CALN1: variants seen among roughly 807,000 people sequenced by gnomAD.
CALN1 encodes calneuron 1, also known as calcium-binding protein 8.
A neutral mutation model predicts 30.6 loss-of-function variants in CALN1; 17 were observed. The ratio of observed to expected loss-of-function variants is 0.56; its 90% CI spans 0.38 to 0.83. The LOEUF (loss-of-function observed/expected upper bound fraction) is 0.83. CALN1 is among the 40% of genes least tolerant of loss of function. The pLI, the probability that CALN1 is intolerant of heterozygous loss-of-function variation, is 0.00. For synonymous variants in CALN1, 156 were observed against 131.4 expected (o/e 1.19, Z -1.28); for missense variants, 291 against 354.9 (o/e 0.82, Z 1.45).
chr7:72,388,934 G>A (rs978164209), intron 2 of CALN1, among the ~76,000 whole-genome samples: 35 of 152,170 alleles, frequency 2.3e-4, no homozygotes, highest in African/African-American at 8.4e-4. Flanking sequence ...TCTCAGCTCT[G>A]TGTGGCTGCA....
chr7:72,363,965 C>T (rs1803721666), intron 2 of CALN1, among the ~76,000 whole-genome samples: 3 of 152,012 alleles, frequency 2.0e-5, no homozygotes, highest in Non-Finnish European at 1.5e-5. Flanking sequence ...AAACCCCTGA[C>T]CTCAGGTGAT....
At chr7:72,021,790 G>C (rs1800723659) in intron 5 of CALN1, among the ~76,000 whole-genome samples, 1 of 152,126 alleles carries the variant, frequency 6.6e-6, no homozygotes, top group Non-Finnish European at 1.5e-5. Context: ...CGGTGTTCCA[G>C]CCCCAACTGA....
At chr7:72,391,134 A>G (rs1446566917) in intron 2 of CALN1, among the ~76,000 whole-genome samples, 1 of 152,076 alleles carries the variant, frequency 6.6e-6, no homozygotes, top group East Asian at 1.9e-4. Context: ...AGTAAAACAA[A>G]TTTCACCCTC....
chr7:71,995,436 T>G (rs1799205833), intron 5 of CALN1, among the ~76,000 whole-genome samples: 1 of 152,224 alleles, frequency 6.6e-6, no homozygotes, highest in Non-Finnish European at 1.5e-5. Context: ...TTGCTGAGAA[T>G]TCCTTTAGCC....
intron 3 of CALN1, among the ~76,000 whole-genome samples, chr7:72,153,436 T>C (rs902217027): frequency 5.3e-5 from 8 of 151,770 alleles, no homozygotes; most frequent in Non-Finnish European, 1.2e-4. Context: ...CCCAGCACTT[T>C]GGGAGGTCGA....
intron 3 of CALN1, among the ~76,000 whole-genome samples, chr7:72,107,872 G>T (rs1034072105): frequency 3.3e-5 from 5 of 152,164 alleles, no homozygotes; most frequent in African/African-American, 9.7e-5. Flanking sequence ...ACTCAGGATG[G>T]TAAGATGCAT....
intron 6 of CALN1, among the ~76,000 whole-genome samples, chr7:71,809,069 C>T (rs887121013): frequency 6.6e-6 from 1 of 152,122 alleles, no homozygotes. Flanking sequence ...AGGACCACAG[C>T]TGGGTTTTGT....
At position 72,066,960 on chromosome 7, in the gene CALN1, T is replaced by G. The variant is rs540444773; in HGVS notation, c.388+39191A>C. 2.5e-3 allele frequency among the ~76,000 whole-genome samples: 382 copies of G among 151,964 alleles called. 1 individual carries two copies. The Middle Eastern group carries it at 0.034, about 14-fold the overall frequency. On this transcript the variant is annotated intron_variant, in intron 4 of 6. Transcript: ENST00000395275. ...CCATGCCCAGCTAATTTTTTTTTTT[T>G]TGTATTTTAGTAGAGATGGGGTTTT...
intron 3 of CALN1, among the ~76,000 whole-genome samples, chr7:72,181,486 CTTT>C (rs770286700): frequency 1.1e-5 from 1 of 94,240 alleles, no homozygotes; most frequent in Non-Finnish European, 2.4e-5. Context: ...ATTTCCATAA[CTTT>C]TTTTTTTTTT....
chr7:72,229,947 C>CCTGG lies in CALN1; in HGVS notation c.244+48735_244+48738dup, dbSNP rs759296530. On this transcript the variant is annotated intron_variant, in intron 3 of 6. Coordinates refer to ENST00000395275, the MANE Select transcript of CALN1 (RefSeq NM_031468.4). Reference sequence around the variant, plus strand: ...CATGAGGTCAGGAGATCGAGACCATCCTGGCTAACAGGGTGAAACCCCGTC... The same window carrying CCTGG: ...CATGAGGTCAGGAGATCGAGACCATCCTGGCTGGCTAACAGGGTGAAACCCCGTC... 3.8e-4 allele frequency among the ~76,000 whole-genome samples: 58 copies of CCTGG among 151,952 alleles called. 2 individuals are homozygous for CCTGG. Among genetic ancestry groups the CCTGG allele is most frequent in the Middle Eastern group, 3.4e-3 (1 of 292 alleles).
intron 2 of CALN1, among the ~76,000 whole-genome samples, chr7:72,336,403 G>A (rs981757217): frequency 2.0e-4 from 31 of 152,130 alleles, no homozygotes; most frequent in African/African-American, 6.8e-4. Context: ...CAGCCCGCAC[G>A]GTGCCGGGAC....
intron 5 of CALN1, among the ~76,000 whole-genome samples, chr7:71,961,906 G>T (rs191281541): frequency 5.7e-4 from 87 of 152,204 alleles, no homozygotes; most frequent in Non-Finnish European, 1.0e-4. Flanking sequence ...ACCTCGTGAG[G>T]TTCCAGTAAC....
intron 1 of CALN1, among the ~76,000 whole-genome samples, chr7:72,408,675 C>CTTTTTTTT (rs534883618): frequency 0.034 from 2,666 of 77,876 alleles, 237 homozygotes; most frequent in Non-Finnish European, 0.044. Flanking sequence ...TTATCTTTTC[C>CTTTTTTTT]TTTTTTTTTT....
intron 5 of CALN1, among the ~76,000 whole-genome samples, chr7:71,937,020 C>A (rs1007099544): frequency 1.3e-4 from 20 of 152,168 alleles, no homozygotes; most frequent in Non-Finnish European, 2.9e-5. Flanking sequence ...AATTAAACCT[C>A]TTTTTCTTCC....
At chr7:72,481,495 G>A in the CALN1 span, among the ~76,000 whole-genome samples, 1 of 151,940 alleles carries the variant, frequency 6.6e-6, no homozygotes, top group African/African-American at 2.4e-5. Flanking sequence ...TATTATTCCT[G>A]TTTTTAAAAA....
intron 2 of CALN1, among the ~76,000 whole-genome samples, chr7:72,318,175 T>C (rs370217107): frequency 6.6e-6 from 1 of 152,208 alleles, no homozygotes; most frequent in Non-Finnish European, 1.5e-5. Flanking sequence ...ATGCAAATGA[T>C]ACTCAAGTCT....
At chr7:72,064,999 T>A (rs949043149) in intron 4 of CALN1, among the ~76,000 whole-genome samples, 2 of 151,356 alleles carry the variant, frequency 1.3e-5, no homozygotes, top group African/African-American at 4.8e-5. Flanking sequence ...ATCAGGCTAT[T>A]TGTAAAATAT....
chr7:72,020,232 A>C lies in CALN1; in HGVS notation c.501+3425T>G, dbSNP rs183890330. On this transcript the variant is annotated intron_variant, in intron 5 of 6. Transcript: ENST00000395275. ...TAACACCATGCCCAGCTAATTTTTC[A>C]ATCTGCTTTAGAGACAGGCTCTCAC... Among the ~76,000 whole-genome samples the C allele has an allele frequency of 7.9e-5, 12 of 152,020 alleles. No individual in the cohort carries two copies. In the East Asian group the frequency reaches 2.3e-3, roughly 29 times the overall value.
chr7:71,885,166 T>TGC (rs1792825300), intron 5 of CALN1, among the ~76,000 whole-genome samples: 1 of 152,218 alleles, frequency 6.6e-6, no homozygotes, highest in Admixed American at 6.5e-5. Context: ...TTTTTCTTTT[T>TGC]TTTGAGACGG....
Sources: gnomAD v4.1 joint callset for allele counts (sites outside exome capture counted in the v4.1 genomes callset) on GRCh38, gnomAD v4.1.1 for gene constraint, MANE v1.5 for transcripts, NCBI Gene and HGNC (gene_info 2026-07-23, HGNC 2026-07-21) for gene names.